Variants in PPP1R1C observed in about 807,000 individuals in gnomAD.
The protein encoded by PPP1R1C is protein phosphatase 1 regulatory subunit 1C.
A neutral mutation model predicts 17.4 loss-of-function variants in PPP1R1C; 15 were observed. The observed-to-expected ratio is 0.86, with a 90% CI of 0.58 to 1.33. The LOEUF (loss-of-function observed/expected upper bound fraction) is 1.33, where lower values mean the gene tolerates loss of function less well. Among genes scored for constraint, PPP1R1C ranks in the 40% most tolerant of loss-of-function variants. The pLI is 0.00. For synonymous variants in PPP1R1C, 35 were observed against 43.1 expected, an observed-to-expected ratio of 0.81 and a Z score of 0.73; for missense variants, 143 against 130.0, an observed-to-expected ratio of 1.10 and a Z score of -0.48.
chr2:181,997,761 C>T (rs1347114717), intron 2 of PPP1R1C, among the ~76,000 whole-genome samples: 1 of 152,128 alleles, frequency 6.6e-6, no homozygotes, highest in Non-Finnish European at 1.5e-5. Context: ...AAATTGAGCT[C>T]CTCCAGCTAC....
intron 4 of PPP1R1C, among the ~76,000 whole-genome samples, chr2:182,114,366 G>A (rs1406605718): frequency 6.6e-6 from 1 of 152,004 alleles, no homozygotes; most frequent in African/African-American, 2.4e-5. Context: ...TCCATCTCTA[G>A]AATTACATCA....
intron 4 of PPP1R1C, among the ~76,000 whole-genome samples, chr2:182,083,573 G>A (rs559610382): frequency 6.6e-6 from 1 of 152,242 alleles, no homozygotes; most frequent in East Asian, 1.9e-4. Context: ...CTACATCCAA[G>A]TTGTTGCAAA....
At chr2:182,121,782 G>T (rs560398243), downstream of PPP1R1C, among the ~76,000 whole-genome samples, 2 of 152,232 alleles carry the variant, frequency 1.3e-5, no homozygotes, top group South Asian at 4.1e-4. Context: ...GATTACAGGC[G>T]TGAGCCCCCG....
At chr2:182,100,689 T>C (rs1484621344) in intron 4 of PPP1R1C, among the ~76,000 whole-genome samples, 1 of 151,998 alleles carries the variant, frequency 6.6e-6, no homozygotes, top group Non-Finnish European at 1.5e-5. Flanking sequence ...CCTCAGGAAA[T>C]AAAGGCTGCC....
intron 2 of PPP1R1C, among the ~76,000 whole-genome samples, chr2:181,995,334 G>C (rs1413945608): frequency 6.6e-6 from 1 of 152,170 alleles, no homozygotes; most frequent in Non-Finnish European, 1.5e-5. Flanking sequence ...GAATCACTCA[G>C]GTCTGGATAT....
At chr2:182,087,092 A>G (rs1688649889) in intron 4 of PPP1R1C, among the ~76,000 whole-genome samples, 5 of 152,224 alleles carry the variant, frequency 3.3e-5, no homozygotes, top group South Asian at 2.1e-4. Flanking sequence ...TCAAAAAAAT[A>G]TACAATTACT....
At chr2:181,956,817 G>A (rs183167205) in intron 1 of PPP1R1C, among the ~76,000 whole-genome samples, 1 of 152,230 alleles carries the variant, frequency 6.6e-6, no homozygotes, top group African/African-American at 2.4e-5. Context: ...TTAAAAAATG[G>A]CAATTTCAGA....
intron 3 of PPP1R1C, among the ~76,000 whole-genome samples, chr2:182,063,183 A>T (rs1334295197): frequency 6.6e-6 from 1 of 151,892 alleles, no homozygotes; most frequent in African/African-American, 2.4e-5. Flanking sequence ...GAAAGGACTT[A>T]TCTTTTTTTT....
At chr2:182,043,155 A>C (rs534900633) in intron 2 of PPP1R1C, among the ~76,000 whole-genome samples, 2 of 152,336 alleles carry the variant, frequency 1.3e-5, no homozygotes, top group Non-Finnish European at 2.9e-5. Flanking sequence ...AGTTATATTT[A>C]GATGAATGCA....
chr2:182,003,295 A>G (rs534564762), intron 2 of PPP1R1C, among the ~76,000 whole-genome samples: 1 of 152,276 alleles, frequency 6.6e-6, no homozygotes, highest in Non-Finnish European at 1.5e-5. Flanking sequence ...AGTCTGAAGA[A>G]ATACAAAACC....
downstream of PPP1R1C, among the ~76,000 whole-genome samples, chr2:182,122,634 C>G (rs970359350): frequency 6.6e-5 from 10 of 151,584 alleles, no homozygotes; most frequent in African/African-American, 2.4e-4. Context: ...CCCATTTCAA[C>G]AGATGCATAT....
intron 4 of PPP1R1C, among the ~76,000 whole-genome samples, chr2:182,109,554 T>C (rs1231457250): frequency 1.3e-5 from 2 of 152,202 alleles, no homozygotes; most frequent in African/African-American, 2.4e-5. Context: ...ATTATATTTT[T>C]TTGCATGTGG....
chr2:181,991,715 C>T (rs1195875770), intron 2 of PPP1R1C, among the ~76,000 whole-genome samples: 1 of 152,192 alleles, frequency 6.6e-6, no homozygotes, highest in African/African-American at 2.4e-5. Context: ...TTGTAGCAAA[C>T]TGCCTCTCTG....
chr2:182,096,873 GTTC>G (rs1408798966), intron 4 of PPP1R1C, among the ~76,000 whole-genome samples: 1 of 152,116 alleles, frequency 6.6e-6, no homozygotes, highest in Non-Finnish European at 1.5e-5. Flanking sequence ...GTCCTTTCAA[GTTC>G]TTCTAACTTC....
rs1687848005 is a variant in PPP1R1C, at chr2:182,061,460, G to A, written c.161G>A (p.Gly54Glu). The A allele has an allele frequency of 2.0e-6, 3 of 1,468,636 alleles. No individual in the cohort carries two copies. Among genetic ancestry groups the A allele is most frequent in the Non-Finnish European group, 2.7e-6 (3 of 1,110,998 alleles). The allele number at this position is 1,468,636 out of a possible 1,614,324, so 91.0% of individuals were successfully genotyped here. ...CTTACAGAAATAGATGACAAGAGGGGGCCCAACACACAAGGGGAAGTAAGT... is the reference window on the plus strand; with the variant it reads ...CTTACAGAAATAGATGACAAGAGGGAGCCCAACACACAAGGGGAAGTAAGT... ...HNPPEIDDKR[G>E]PNTQGELQNA... Residue 54 changes from glycine (G) to glutamate (E), a missense_variant, in exon 3 of 5, where the codon GGG becomes GAG. Gly to Glu is a moderately conservative substitution (Grantham distance 98). Coordinates refer to ENST00000682840, the MANE Select transcript of PPP1R1C (RefSeq NM_001080545.3).
At chr2:182,045,226 A>G (rs1687308000) in intron 2 of PPP1R1C, among the ~76,000 whole-genome samples, 1 of 152,212 alleles carries the variant, frequency 6.6e-6, no homozygotes, top group African/African-American at 2.4e-5. Context: ...ACAGAATCCA[A>G]TTACACAGGT....
At chr2:182,030,071 T>A (rs1476461560) in intron 2 of PPP1R1C, among the ~76,000 whole-genome samples, 4 of 126,332 alleles carry the variant, frequency 3.2e-5, no homozygotes, top group East Asian at 2.3e-4. Flanking sequence ...CATCAGCTCC[T>A]TTAAGCACTT....
intron 4 of PPP1R1C, among the ~76,000 whole-genome samples, chr2:182,079,266 A>G (rs997200390): frequency 6.6e-6 from 1 of 152,210 alleles, no homozygotes; most frequent in Non-Finnish European, 1.5e-5. Flanking sequence ...TGTTTATTTT[A>G]GTATATTAGG....
At chr2:182,118,872 T>A (rs1171171234), downstream of PPP1R1C, among the ~76,000 whole-genome samples, 1 of 151,636 alleles carries the variant, frequency 6.6e-6, no homozygotes. Flanking sequence ...CCTCTCCTTC[T>A]CTGTCTTTCT....
Sources: gnomAD v4.1 joint callset for allele counts (sites outside exome capture counted in the v4.1 genomes callset) on GRCh38, gnomAD v4.1.1 for gene constraint, MANE v1.5 for transcripts, NCBI Gene and HGNC (gene_info 2026-07-23, HGNC 2026-07-21) for gene names.